FAM13A: variants seen among roughly 807,000 people sequenced by gnomAD.
FAM13A encodes protein FAM13A.
In FAM13A, 76 loss-of-function variants were observed where a neutral mutation model predicts 129.6. That is an observed-to-expected ratio of 0.59 (90% CI 0.49 to 0.71). The LOEUF is 0.71. Among genes scored for constraint, FAM13A ranks in the 30% least tolerant of loss-of-function variants. The probability of loss-of-function intolerance (pLI) is 0.00; values close to 1 mark genes in which losing one functional copy is unlikely to be tolerated. For missense variants in FAM13A, 1,108 were observed against 1,249.3 expected (o/e 0.89, Z 1.70); for synonymous variants, 443 against 449.9 (o/e 0.98, Z 0.20).
intron 14 of FAM13A, among the ~76,000 whole-genome samples, chr4:88,752,749 T>C (rs770893485): frequency 1.8e-4 from 27 of 152,142 alleles, no homozygotes; most frequent in Non-Finnish European, 3.4e-4. Flanking sequence ...GAGGGGGGAC[T>C]GGAAAGCAAC....
chr4:89,032,712 T>A (rs1049864424), intron 1 of FAM13A, among the ~76,000 whole-genome samples: 1 of 152,202 alleles, frequency 6.6e-6, no homozygotes, highest in African/African-American at 2.4e-5. Context: ...GGACACTTAG[T>A]CTCCACTTGT....
At chr4:88,876,266 T>A (rs1423930830) in intron 6 of FAM13A, among the ~76,000 whole-genome samples, 7 of 152,038 alleles carry the variant, frequency 4.6e-5, no homozygotes, top group African/African-American at 1.4e-4. Flanking sequence ...ATTGTGCACA[T>A]GTACCCTAGA....
intron 8 of FAM13A, among the ~76,000 whole-genome samples, chr4:88,795,816 T>C (rs1726053426): frequency 6.6e-6 from 1 of 151,840 alleles, no homozygotes; most frequent in Non-Finnish European, 1.5e-5. Flanking sequence ...AAAATTTTTA[T>C]TTCATCTAGG....
At chr4:89,003,660 T>A (rs566567568) in intron 3 of FAM13A, among the ~76,000 whole-genome samples, 125 of 144,838 alleles carry the variant, frequency 8.6e-4, no homozygotes, top group Non-Finnish European at 1.4e-3. Flanking sequence ...TACATGTATG[T>A]AAAAAAAAAA....
In FAM13A at chr4:88,799,468, C is replaced by G. The variant is rs539929622; in HGVS notation, c.1049+5543G>C. ...ATTAAACGTAGAACTACCATATGCT[C>G]CAACAATTCCACTTTTTTTTTTTTT... On this transcript the variant is annotated intron_variant, in intron 8 of 23. Coordinates refer to ENST00000264344, the MANE Select transcript of FAM13A (RefSeq NM_014883.4). 7.5e-5 allele frequency among the ~76,000 whole-genome samples: 11 copies of G among 146,592 alleles called. No individual in the cohort carries two copies. The East Asian group carries it at 2.3e-3, about 30-fold the overall frequency.
chr4:88,970,612 C>T (rs1215304740), intron 4 of FAM13A, among the ~76,000 whole-genome samples: 1 of 151,398 alleles, frequency 6.6e-6, no homozygotes, highest in East Asian at 1.9e-4. Flanking sequence ...GACTGATCTT[C>T]AATTAGAAAG....
chr4:88,921,409 A>C (rs1751065398), intron 5 of FAM13A, among the ~76,000 whole-genome samples: 1 of 152,224 alleles, frequency 6.6e-6, no homozygotes, highest in African/African-American at 2.4e-5. Flanking sequence ...ACATTCTTAA[A>C]GAAAAGAATT....
intron 6 of FAM13A, among the ~76,000 whole-genome samples, chr4:88,871,577 G>A (rs921197198): frequency 2.0e-5 from 3 of 151,554 alleles, no homozygotes; most frequent in East Asian, 1.9e-4. Context: ...GAAATGAAGC[G>A]AGAAGAGAAG....
Position 88,782,837 on chromosome 4 carries a change from C to T in FAM13A, c.1272-1486G>A, listed in dbSNP as rs541628268. Among the ~76,000 whole-genome samples the T allele has an allele frequency of 3.7e-4, 57 of 152,314 alleles. 1 individual carries two copies. Among genetic ancestry groups the T allele is most frequent in the Middle Eastern group, 6.8e-3 (2 of 294 alleles). ...CATGTTCCTCAATCTCTCCCCTCCA[C>T]GCACTGAGAGCAGTGCCTTCTGTGG... On this transcript the variant is annotated intron_variant, in intron 10 of 23. Transcript: ENST00000264344.
At chr4:88,760,603 C>CAAAAAAAAAAAAAAAAAA (rs745711965) in intron 13 of FAM13A, among the ~76,000 whole-genome samples, 4 of 65,840 alleles carry the variant, frequency 6.1e-5, no homozygotes, top group African/African-American at 4.0e-4. Flanking sequence ...GACTCCGTCT[C>CAAAAAAAAAAAAAAAAAA]AAAAAAAAAA....
chr4:88,952,018 A>G (rs913141616), intron 4 of FAM13A, among the ~76,000 whole-genome samples: 1 of 152,158 alleles, frequency 6.6e-6, no homozygotes, highest in Non-Finnish European at 1.5e-5. Flanking sequence ...CTCTTTGTAC[A>G]TATATGGGCA....
At chr4:89,017,301 C>G (rs1257200124) in intron 3 of FAM13A, among the ~76,000 whole-genome samples, 1 of 152,062 alleles carries the variant, frequency 6.6e-6, no homozygotes, top group African/African-American at 2.4e-5. Flanking sequence ...AAATTTGTTA[C>G]CTGTGCATAA....
At chr4:88,799,559 A>C (rs972646625) in intron 8 of FAM13A, among the ~76,000 whole-genome samples, 1 of 151,368 alleles carries the variant, frequency 6.6e-6, no homozygotes, top group Non-Finnish European at 1.5e-5. Flanking sequence ...ATCTCGGCTC[A>C]CTGCAACCTC....
intron 8 of FAM13A, among the ~76,000 whole-genome samples, chr4:88,800,854 G>C (rs1727315411): frequency 6.6e-6 from 1 of 152,072 alleles, no homozygotes; most frequent in Non-Finnish European, 1.5e-5. Flanking sequence ...CAGCTTGCTT[G>C]TTTGTTCCAC....
At chr4:88,993,474 G>A (rs73847223) in intron 3 of FAM13A, among the ~76,000 whole-genome samples, 3,015 of 152,270 alleles carry the variant, frequency 0.02, 114 homozygotes, top group African/African-American at 0.069. Flanking sequence ...GCTCTGAAAT[G>A]AAACCTCAAA....
At chr4:88,799,536 G>C (rs575078746) in intron 8 of FAM13A, among the ~76,000 whole-genome samples, 3 of 151,074 alleles carry the variant, frequency 2.0e-5, no homozygotes, top group African/African-American at 7.3e-5. Context: ...CCAGGCTGGA[G>C]TGCCATGGCA....
At chr4:88,878,621 C>T (rs1052130110) in intron 6 of FAM13A, among the ~76,000 whole-genome samples, 12 of 152,128 alleles carry the variant, frequency 7.9e-5, no homozygotes, top group African/African-American at 2.7e-4. Flanking sequence ...TAAACTTGAA[C>T]ATTCTCAATA....
At chr4:88,908,989 G>A (rs1561307022) in intron 5 of FAM13A, among the ~76,000 whole-genome samples, 3 of 152,130 alleles carry the variant, frequency 2.0e-5, no homozygotes, top group Admixed American at 6.5e-5. Flanking sequence ...AATAACTGGT[G>A]ATAACTTAAT....
chr4:88,772,793 T>C lies in FAM13A; in HGVS notation c.1459-4734A>G, dbSNP rs868695987. 3.3e-5 allele frequency among the ~76,000 whole-genome samples: 5 copies of C among 152,226 alleles called. No homozygotes were observed. In the South Asian group the frequency reaches 6.2e-4, roughly 19 times the overall value. On this transcript the variant is annotated intron_variant, in intron 11 of 23. Transcript: ENST00000264344. ...GTGTTGAATATCTCATGTAATTTACTGAATACTATACTTACTGAAAGTAAA... is the reference window on the plus strand; with the variant it reads ...GTGTTGAATATCTCATGTAATTTACCGAATACTATACTTACTGAAAGTAAA...
Sources: gnomAD v4.1 joint callset for allele counts (sites outside exome capture counted in the v4.1 genomes callset) on GRCh38, gnomAD v4.1.1 for gene constraint, MANE v1.5 for transcripts, NCBI Gene and HGNC (gene_info 2026-07-23, HGNC 2026-07-21) for gene names.